TAFA1: variants seen among roughly 807,000 people sequenced by gnomAD.
TAFA1 encodes the protein TAFA chemokine like family member 1.
TAFA1 carries 4 observed loss-of-function variants against 18.5 expected under a neutral mutation model. That is an observed-to-expected ratio of 0.22 (90% CI 0.11 to 0.49). TAFA1 has a LOEUF of 0.49. Ranked by LOEUF, TAFA1 falls within the 20% of genes least tolerant of loss-of-function variation. TAFA1 has a pLI of 0.98. For synonymous variants in TAFA1, 56 were observed against 55.2 expected (o/e 1.01, Z -0.06); for missense variants, 147 against 169.0 (o/e 0.87, Z 0.72).
At chr3:68,351,734 T>A (rs2069274529) in intron 2 of TAFA1, among the ~76,000 whole-genome samples, 1 of 151,982 alleles carries the variant, frequency 6.6e-6, no homozygotes, top group Non-Finnish European at 1.5e-5. Flanking sequence ...GACAAGCTTG[T>A]TAATGTGGAT....
intron 4 of TAFA1, among the ~76,000 whole-genome samples, chr3:68,543,861 T>A (rs1202599663): frequency 6.6e-6 from 1 of 152,082 alleles, no homozygotes; most frequent in South Asian, 2.1e-4. Context: ...TTGAACACAG[T>A]GTCATTGAGT....
At chr3:68,012,004 C>T (rs1174958033) in intron 2 of TAFA1, among the ~76,000 whole-genome samples, 1 of 152,130 alleles carries the variant, frequency 6.6e-6, no homozygotes, top group Non-Finnish European at 1.5e-5. Context: ...GATGTTATAC[C>T]ACACTGCAAA....
At chr3:68,502,245 G>A (rs574462646) in intron 3 of TAFA1, among the ~76,000 whole-genome samples, 15 of 152,044 alleles carry the variant, frequency 9.9e-5, no homozygotes, top group African/African-American at 3.6e-4. Flanking sequence ...AATCTTCATA[G>A]CAACCCTATA....
chr3:68,191,977 G>A (rs2066346698), intron 2 of TAFA1, among the ~76,000 whole-genome samples: 1 of 151,806 alleles, frequency 6.6e-6, no homozygotes, highest in Admixed American at 6.6e-5. Context: ...TGAGTTCTAA[G>A]TATAGGATCT....
intron 2 of TAFA1, among the ~76,000 whole-genome samples, chr3:68,217,083 G>C (rs956981313): frequency 1.3e-5 from 2 of 152,050 alleles, no homozygotes; most frequent in Non-Finnish European, 2.9e-5. Flanking sequence ...ATGGAAAAGT[G>C]AGTGAGGGGA....
At chr3:68,050,218 A>G (rs2064451625) in intron 2 of TAFA1, among the ~76,000 whole-genome samples, 1 of 152,182 alleles carries the variant, frequency 6.6e-6, no homozygotes, top group African/African-American at 2.4e-5. Context: ...AGAAAAAACC[A>G]TTGAAGGATG....
chr3:68,438,956 C>T (rs929826729), intron 3 of TAFA1, among the ~76,000 whole-genome samples: 7 of 152,128 alleles, frequency 4.6e-5, no homozygotes, highest in Non-Finnish European at 8.8e-5. Flanking sequence ...GGCCTGTCCC[C>T]TGAAATCATT....
chr3:68,191,405 A>C (rs1295119930), intron 2 of TAFA1, among the ~76,000 whole-genome samples: 1 of 151,812 alleles, frequency 6.6e-6, no homozygotes, highest in African/African-American at 2.4e-5. Flanking sequence ...AAACGTAACT[A>C]TGGTCAGAGT....
intron 2 of TAFA1, among the ~76,000 whole-genome samples, chr3:68,245,599 C>A (rs968754928): frequency 6.6e-6 from 1 of 152,096 alleles, no homozygotes; most frequent in Non-Finnish European, 1.5e-5. Context: ...AGAGTTTTAC[C>A]GTAGTTCCAT....
At chr3:68,040,736 A>G (rs190339682) in intron 2 of TAFA1, among the ~76,000 whole-genome samples, 6 of 152,288 alleles carry the variant, frequency 3.9e-5, no homozygotes, top group African/African-American at 1.4e-4. Flanking sequence ...TCTGGAAGTG[A>G]GACCCAGCAA....
chr3:68,249,355 C>T (rs1193675808), intron 2 of TAFA1, among the ~76,000 whole-genome samples: 3 of 152,168 alleles, frequency 2.0e-5, no homozygotes, highest in Non-Finnish European at 4.4e-5. Flanking sequence ...TCCACTAGCT[C>T]AGCAATTCTA....
intron 3 of TAFA1, among the ~76,000 whole-genome samples, chr3:68,520,499 A>G (rs1165794632): frequency 6.6e-6 from 1 of 152,370 alleles, no homozygotes. Flanking sequence ...TGCAGAAATC[A>G]TGTCAGAAAC....
At chr3:68,416,448 A>T (rs2070840524) in intron 2 of TAFA1, among the ~76,000 whole-genome samples, 2 of 152,136 alleles carry the variant, frequency 1.3e-5, no homozygotes, top group East Asian at 1.9e-4. Flanking sequence ...TCCAAATTTG[A>T]TGTTGAGAAA....
chr3:68,303,350 C>T (rs2068340734), intron 2 of TAFA1, among the ~76,000 whole-genome samples: 1 of 152,062 alleles, frequency 6.6e-6, no homozygotes, highest in Non-Finnish European at 1.5e-5. Flanking sequence ...TTTGGTTGAC[C>T]ATAACATAAC....
intron 2 of TAFA1, among the ~76,000 whole-genome samples, chr3:68,373,008 G>C (rs929494763): frequency 6.6e-6 from 1 of 152,134 alleles, no homozygotes; most frequent in Non-Finnish European, 1.5e-5. Context: ...CAAAGCCCAA[G>C]AAATTTGATC....
intron 2 of TAFA1, among the ~76,000 whole-genome samples, chr3:68,257,626 G>A (rs1421481901): frequency 6.6e-6 from 1 of 152,078 alleles, no homozygotes; most frequent in Non-Finnish European, 1.5e-5. Context: ...TATCATTAAT[G>A]TCATTCACAA....
intron 2 of TAFA1, among the ~76,000 whole-genome samples, chr3:68,373,700 A>C (rs918043860): frequency 6.6e-6 from 1 of 152,354 alleles, no homozygotes; most frequent in East Asian, 1.9e-4. Context: ...AAAAGACAGA[A>C]GTCATTTCAT....
At chr3:68,260,236 A>G (rs1344456598) in intron 2 of TAFA1, among the ~76,000 whole-genome samples, 1 of 152,178 alleles carries the variant, frequency 6.6e-6, no homozygotes, top group Non-Finnish European at 1.5e-5. Flanking sequence ...ATGCTGGATT[A>G]CATTTATTGA....
intron 2 of TAFA1, among the ~76,000 whole-genome samples, chr3:68,173,864 TAAAC>T (rs766170000): frequency 2.0e-5 from 3 of 151,188 alleles, no homozygotes; most frequent in African/African-American, 4.9e-5. Context: ...AACTGCCACT[TAAAC>T]AATGCTCAAA....
Sources: allele counts gnomAD v4.1 joint callset (sites outside exome capture counted in the v4.1 genomes callset), GRCh38; gene constraint gnomAD v4.1.1; transcripts MANE v1.5; gene names NCBI Gene and HGNC (gene_info 2026-07-23, HGNC 2026-07-21).